The following IPO7 variants were observed in gnomAD, a reference collection of about 807,000 sequenced individuals.
IPO7 encodes importin-7.
IPO7 carries 13 observed loss-of-function variants against 136.4 expected under a neutral mutation model. The ratio of observed to expected loss-of-function variants is 0.10; its 90% CI spans 0.06 to 0.15. The LOEUF is 0.15. IPO7 is among the 10% of genes least tolerant of loss of function. IPO7 has a pLI of 1.00. For synonymous variants in IPO7, 403 were observed against 404.4 expected, an observed-to-expected ratio of 1.00 and a Z score of 0.04; for missense variants, 857 against 1,240.6, an observed-to-expected ratio of 0.69 and a Z score of 4.65.
chr11:9,440,772 CTGGT>C, intron 23 of IPO7, 111 bp downstream of exon 23: 6 of 849,642 alleles, frequency 7.1e-6, no homozygotes, highest in Admixed American at 2.2e-5. Flanking sequence ...CTAGAAAAGG[CTGGT>C]TAGGCAAAGT....
chr11:9,423,970 C>G, intron 10 of IPO7, 94 bp downstream of exon 10: 1 of 668,352 alleles, frequency 1.5e-6, no homozygotes, highest in Admixed American at 2.7e-5. Context: ...TATGTATCTT[C>G]TTTGTTGTTT....
intron 1 of IPO7, among the ~76,000 whole-genome samples, chr11:9,394,094 G>T (rs1854676163): frequency 6.6e-6 from 1 of 151,638 alleles, no homozygotes; most frequent in East Asian, 2.0e-4. Context: ...GGCCAGGATG[G>T]TCTCCATCTC....
At chr11:9,419,383 A>G (rs1322018711) in intron 6 of IPO7, among the ~76,000 whole-genome samples, 3 of 151,534 alleles carry the variant, frequency 2.0e-5, no homozygotes, top group African/African-American at 7.3e-5. Context: ...CCCTGTCTCT[A>G]CTAAAAATAC....
chr11:9,402,543 G>GT (rs1054790129), intron 1 of IPO7, among the ~76,000 whole-genome samples: 35 of 151,424 alleles, frequency 2.3e-4, no homozygotes, highest in African/African-American at 8.5e-4. Flanking sequence ...CCAATATGGT[G>GT]AAACCCCGAC....
chr11:9,436,850 A>C, intron 20 of IPO7, among the ~76,000 whole-genome samples: 1 of 8,040 alleles, frequency 1.2e-4, no homozygotes, highest in Non-Finnish European at 2.3e-4. Flanking sequence ...TTTTATATAT[A>C]TATATATATA....
intron 3 of IPO7, among the ~76,000 whole-genome samples, chr11:9,409,177 C>T (rs1590434545): frequency 6.6e-6 from 1 of 151,150 alleles, no homozygotes; most frequent in African/African-American, 2.4e-5. Context: ...GGCGCAATCT[C>T]GGCTCGCTAC....
chr11:9,419,559 A>AAAAAT (rs1256216265), intron 6 of IPO7, among the ~76,000 whole-genome samples: 562 of 116,808 alleles, frequency 4.8e-3, no homozygotes, highest in Non-Finnish European at 7.2e-3. Flanking sequence ...AAAAAAAAAA[A>AAAAAT]ATATATATAT....
chr11:9,432,155 A>G (rs1247380684), intron 16 of IPO7, among the ~76,000 whole-genome samples: 1 of 149,668 alleles, frequency 6.7e-6, no homozygotes, highest in East Asian at 1.9e-4. Context: ...CGTAAATTAC[A>G]TGTTTTCTGC....
intron 24 of IPO7, among the ~76,000 whole-genome samples, chr11:9,444,679 C>G (rs1855503881): frequency 6.6e-6 from 1 of 151,624 alleles, no homozygotes; most frequent in Non-Finnish European, 1.5e-5. Flanking sequence ...ACTAAAAATA[C>G]AAAAAATTAC....
chr11:9,446,991 G>A lies in IPO7; in HGVS notation c.*1797G>A, dbSNP rs1003896343. 1 of 152,050 alleles carries A rather than the reference G, an allele frequency of 6.6e-6. No individual in the cohort carries two copies. Among genetic ancestry groups the A allele is most frequent in the Admixed American group, 6.6e-5 (1 of 15,248 alleles). The allele number at this position is 152,050 out of a possible 1,614,324, so 9.4% of individuals were successfully genotyped here. On this transcript the variant is annotated 3_prime_UTR_variant, in exon 25 of 25. Coordinates refer to ENST00000379719, the MANE Select transcript of IPO7 (RefSeq NM_006391.3). Reference sequence around the variant, plus strand: ...GTTGGACACCAACTGTATACCCTAGGTTGCTTAAAGGGATTTCACTATTAT... The same window carrying A: ...GTTGGACACCAACTGTATACCCTAGATTGCTTAAAGGGATTTCACTATTAT...
chr11:9,421,803 G>A (rs553475099), intron 8 of IPO7, among the ~76,000 whole-genome samples: 5 of 152,114 alleles, frequency 3.3e-5, no homozygotes, highest in South Asian at 2.1e-4. Flanking sequence ...ATGTAGCCGG[G>A]CGTGGTGGCG....
chr11:9,441,747 A>T (rs1362142619), intron 23 of IPO7, among the ~76,000 whole-genome samples: 1 of 152,210 alleles, frequency 6.6e-6, no homozygotes, highest in African/African-American at 2.4e-5. Context: ...TTTAGCTCTG[A>T]ATCTTTTAAG....
chr11:9,390,295 G>A (rs1170255860), intron 1 of IPO7, among the ~76,000 whole-genome samples: 1 of 142,652 alleles, frequency 7.0e-6, no homozygotes, highest in Non-Finnish European at 1.5e-5. Context: ...GTGTGTGTGT[G>A]TTTTTTTTTT....
rs542801590 is a variant in IPO7, at chr11:9,445,649, A to G, written c.*455A>G. ...GTCCAATTTCTGTCTCTTCCTCACC[A>G]TTGGGTATCTATTCTTTATATGTAA... On this transcript the variant is annotated 3_prime_UTR_variant, in exon 25 of 25. Coordinates refer to ENST00000379719, the MANE Select transcript of IPO7 (RefSeq NM_006391.3). 6.4e-6 allele frequency: 1 copy of G among 155,160 alleles called. No homozygotes were observed. The highest frequency in any genetic ancestry group is 1.9e-4 in the East Asian group (1 of 5,278). 9.6% of individuals were successfully genotyped at this position (155,160 alleles called of 1,614,324 possible).
chr11:9,430,570 T>C (rs2133757249), intron 15 of IPO7: 2 of 240,528 alleles, frequency 8.3e-6, no homozygotes, highest in East Asian at 8.8e-5. Flanking sequence ...GTAATATTAA[T>C]GAAAACTATT....
At chr11:9,399,183 G>C (rs919424979) in intron 1 of IPO7, among the ~76,000 whole-genome samples, 1 of 119,094 alleles carries the variant, frequency 8.4e-6, no homozygotes, top group South Asian at 2.6e-4. Context: ...TTTTTTTTTT[G>C]ACAGAGTTTC....
intron 15 of IPO7, 157 bp from the exon 16 acceptor site, chr11:9,430,718 A>ATT (rs1469745363): frequency 4.1e-5 from 26 of 639,650 alleles, no homozygotes; most frequent in Non-Finnish European, 6.9e-5. Flanking sequence ...AGACTATTTG[A>ATT]TTATAGAGCT....
intron 1 of IPO7, among the ~76,000 whole-genome samples, chr11:9,389,759 A>G (rs891823376): frequency 2.6e-5 from 4 of 151,626 alleles, no homozygotes; most frequent in Non-Finnish European, 5.9e-5. Context: ...ATATATGTAT[A>G]TACACCTTTT....
At chr11:9,422,104 A>G (rs1030908275) in intron 8 of IPO7, among the ~76,000 whole-genome samples, 1 of 152,038 alleles carries the variant, frequency 6.6e-6, no homozygotes, top group Non-Finnish European at 1.5e-5. Flanking sequence ...ACATGGAGAA[A>G]TCCTGTCTGT....
Sources: allele counts gnomAD v4.1 joint callset (sites outside exome capture counted in the v4.1 genomes callset), GRCh38; gene constraint gnomAD v4.1.1; transcripts MANE v1.5; gene names NCBI Gene and HGNC (gene_info 2026-07-23, HGNC 2026-07-21).